MAGI2: variants seen among roughly 807,000 people sequenced by gnomAD.
MAGI2 encodes the protein membrane-associated guanylate kinase, WW and PDZ domain-containing protein 2.
A neutral mutation model predicts 133.3 loss-of-function variants in MAGI2; 35 were observed. That is an observed-to-expected ratio of 0.26 (90% CI 0.20 to 0.35). The LOEUF (loss-of-function observed/expected upper bound fraction) is 0.35. Ranked by LOEUF, MAGI2 falls within the 10% of genes least tolerant of loss-of-function variation. MAGI2 has a pLI of 1.00. For synonymous variants in MAGI2, 729 were observed against 710.6 expected, an observed-to-expected ratio of 1.03 and a Z score of -0.41; for missense variants, 1,636 against 1,863.4, an observed-to-expected ratio of 0.88 and a Z score of 2.25.
chr7:78,925,694 A>T lies in MAGI2; in HGVS notation c.418+81396T>A, dbSNP rs1366707129. Among the ~76,000 whole-genome samples, 3 of 152,092 alleles carry T rather than the reference A, an allele frequency of 2.0e-5. No individual in the cohort carries two copies. In the East Asian group the frequency reaches 5.8e-4, roughly 29 times the overall value. The stretch of plus-strand genomic sequence containing the variant: ...TTGCTTCTATTAATTTAGACATTAA[A>T]GAGAATTGAAGAAAATATTTGTTTT... On this transcript the variant is annotated intron_variant, in intron 2 of 21. Coordinates refer to ENST00000354212, the MANE Select transcript of MAGI2 (RefSeq NM_012301.4).
At chr7:79,024,239 T>A (rs1234505310) in intron 1 of MAGI2, among the ~76,000 whole-genome samples, 1 of 152,054 alleles carries the variant, frequency 6.6e-6, no homozygotes, top group Non-Finnish European at 1.5e-5. Context: ...GGGGAAAGTA[T>A]CCCTATTCAA....
At chr7:78,927,592 T>C (rs893006735) in intron 2 of MAGI2, among the ~76,000 whole-genome samples, 4 of 151,898 alleles carry the variant, frequency 2.6e-5, no homozygotes, top group Non-Finnish European at 5.9e-5. Flanking sequence ...TTAAATGATT[T>C]CTTAACCTAC....
intron 21 of MAGI2, among the ~76,000 whole-genome samples, chr7:78,048,044 G>T (rs1001181242): frequency 6.6e-6 from 1 of 152,212 alleles, no homozygotes; most frequent in Non-Finnish European, 1.5e-5. Flanking sequence ...TCAGATAACA[G>T]CTGTGGCTTA....
chr7:78,806,083 G>A (rs1037144940), intron 2 of MAGI2, among the ~76,000 whole-genome samples: 9 of 152,156 alleles, frequency 5.9e-5, no homozygotes, highest in African/African-American at 2.2e-4. Context: ...ACAAGTAACT[G>A]ACAGCTGACT....
intron 2 of MAGI2, among the ~76,000 whole-genome samples, chr7:78,760,361 C>CTTTTTTT (rs71085562): frequency 8.0e-6 from 1 of 124,644 alleles, no homozygotes; most frequent in Non-Finnish European, 1.6e-5. Context: ...TTAATTCTCT[C>CTTTTTTT]TTTTTTTTTT....
Position 78,530,706 on chromosome 7 carries a change from C to T in MAGI2, c.539-9061G>A, listed in dbSNP as rs146567700. 5.3e-5 allele frequency among the ~76,000 whole-genome samples: 8 copies of T among 152,210 alleles called. No homozygotes were observed. In the East Asian group the frequency reaches 1.4e-3, roughly 26 times the overall value. ...TCTCTTTTCATTAGGCTCCTACTTT[C>T]GCACCTCATGCTCATAACAATTCCA... On this transcript the variant is annotated intron_variant, in intron 3 of 21. Transcript: ENST00000354212.
At chr7:78,176,173 A>G in intron 14 of MAGI2, among the ~76,000 whole-genome samples, 1 of 152,166 alleles carries the variant, frequency 6.6e-6, no homozygotes. Flanking sequence ...TCCTTGTGAC[A>G]TGAGATTCTT....
intron 10 of MAGI2, among the ~76,000 whole-genome samples, chr7:78,206,395 G>C (rs1270639388): frequency 1.3e-5 from 2 of 150,612 alleles, no homozygotes; most frequent in Non-Finnish European, 3.0e-5. Context: ...GGGTTCCAGC[G>C]ATTCTCTTGC....
intron 2 of MAGI2, among the ~76,000 whole-genome samples, chr7:78,799,356 G>A (rs1341810153): frequency 6.6e-6 from 1 of 152,126 alleles, no homozygotes; most frequent in Non-Finnish European, 1.5e-5. Context: ...AATAATAGAA[G>A]CAGGGGAGAG....
chr7:78,359,348 T>C (rs1792527473), intron 7 of MAGI2: 1 of 152,194 alleles, frequency 6.6e-6, no homozygotes, highest in Non-Finnish European at 1.5e-5. Context: ...AAGGATATTA[T>C]AGAGAAGCTT....
At chr7:78,909,602 C>CAAAA (rs1237807866) in intron 2 of MAGI2, among the ~76,000 whole-genome samples, 13 of 42,150 alleles carry the variant, frequency 3.1e-4, no homozygotes, top group Admixed American at 1.0e-3. Flanking sequence ...GACTCCATCT[C>CAAAA]AAAAAAAAAA....
At chr7:78,532,810 G>A (rs972783725) in intron 3 of MAGI2, among the ~76,000 whole-genome samples, 1 of 152,210 alleles carries the variant, frequency 6.6e-6, no homozygotes, top group African/African-American at 2.4e-5. Flanking sequence ...TTGACTGCAT[G>A]ATGCTAGCAT....
intron 2 of MAGI2, among the ~76,000 whole-genome samples, chr7:78,642,352 A>G (rs1810402886): frequency 6.6e-6 from 1 of 152,246 alleles, no homozygotes; most frequent in South Asian, 2.1e-4. Flanking sequence ...AGCACAGCAT[A>G]TGAAAATAAG....
chr7:79,061,560 A>G (rs1053466429), intron 1 of MAGI2, among the ~76,000 whole-genome samples: 1 of 152,036 alleles, frequency 6.6e-6, no homozygotes, highest in African/African-American at 2.4e-5. Flanking sequence ...TTTTGAGGCA[A>G]TACTGAAAAA....
chr7:79,193,794 T>C (rs1008918691), intron 1 of MAGI2, among the ~76,000 whole-genome samples: 3 of 151,842 alleles, frequency 2.0e-5, no homozygotes, highest in Non-Finnish European at 4.4e-5. Context: ...GCTGCATTTT[T>C]TAGAGTTTTT....
At chr7:78,168,327 C>T (rs1435689079) in intron 14 of MAGI2, among the ~76,000 whole-genome samples, 1 of 152,010 alleles carries the variant, frequency 6.6e-6, no homozygotes, top group East Asian at 1.9e-4. Flanking sequence ...CCATCTCTTG[C>T]CCTCAAATCT....
chr7:78,674,733 A>G (rs1167213614), intron 2 of MAGI2, among the ~76,000 whole-genome samples: 1 of 151,934 alleles, frequency 6.6e-6, no homozygotes, highest in Non-Finnish European at 1.5e-5. Context: ...ATTATATGCA[A>G]CTATTCAATG....
At chr7:78,458,011 G>T (rs1584227377) in intron 6 of MAGI2, among the ~76,000 whole-genome samples, 1 of 152,236 alleles carries the variant, frequency 6.6e-6, no homozygotes, top group Middle Eastern at 3.4e-3. Flanking sequence ...TGGAATAAAA[G>T]AGTAGGCTGG....
intron 1 of MAGI2, among the ~76,000 whole-genome samples, chr7:79,247,647 A>G (rs186990086): frequency 5.3e-5 from 8 of 152,266 alleles, no homozygotes; most frequent in Non-Finnish European, 1.0e-4. Flanking sequence ...TAATAACTAT[A>G]ACAACTTTTA....
Sources: gnomAD v4.1 joint callset for allele counts (sites outside exome capture counted in the v4.1 genomes callset) on GRCh38, gnomAD v4.1.1 for gene constraint, MANE v1.5 for transcripts, NCBI Gene and HGNC (gene_info 2026-07-23, HGNC 2026-07-21) for gene names.